The following ELAVL3 variants were observed in gnomAD, a reference collection of about 807,000 sequenced individuals.
ELAVL3 encodes ELAV like RNA binding protein 3, also known as ELAV-like protein 3.
ELAVL3 carries 8 observed loss-of-function variants against 34.2 expected under a neutral mutation model. The observed-to-expected ratio is 0.23, with a 90% CI of 0.14 to 0.42. The LOEUF is 0.42. ELAVL3 is among the 10% of genes least tolerant of loss of function. ELAVL3 has a pLI of 1.00. For synonymous variants in ELAVL3, 209 were observed against 222.1 expected (o/e 0.94, Z 0.53); for missense variants, 273 against 518.8 (o/e 0.53, Z 4.60).
rs1971061890 is a variant in ELAVL3, at chr19:11,466,793, C to A, written c.44G>T (p.Gly15Val). The change falls in exon 2 of 7, where the codon GGG becomes GTG. Residue 15 changes from glycine (G) to valine (V), a missense_variant. By Grantham distance (109) the Gly-to-Val change is moderately radical. Coordinates refer to ENST00000359227, the MANE Select transcript of ELAVL3 (RefSeq NM_001420.4). The surrounding 1 kb of genome is among the most constrained non-coding windows in gnomAD (Gnocchi z 5.0). Reference sequence around the variant, plus strand: ...GGGCAGGGCCGGGCCGGCCGGGCCCCCCCCCACCTGAGACTCCATGGCCCC... The same window carrying A: ...GGGCAGGGCCGGGCCGGCCGGGCCCACCCCCACCTGAGACTCCATGGCCCC... ...ILGAMESQVG[G>V]GPAGPALPNG... 1 of 1,611,974 alleles carries A rather than the reference C, an allele frequency of 6.2e-7. No homozygotes were observed. The highest frequency in any genetic ancestry group is 1.7e-4 in the Middle Eastern group (1 of 6,058).
At chr19:11,465,010 TACATAC>T (rs1323746600) in intron 3 of ELAVL3, among the ~76,000 whole-genome samples, 2 of 52,366 alleles carry the variant, frequency 3.8e-5, no homozygotes, top group Non-Finnish European at 7.0e-5. Flanking sequence ...CACACACACA[TACATAC>T]ACATACACAC....
At chr19:11,474,007 A>T (rs1203287633) in intron 1 of ELAVL3, among the ~76,000 whole-genome samples, 2 of 152,146 alleles carry the variant, frequency 1.3e-5, no homozygotes, top group Non-Finnish European at 2.9e-5. Flanking sequence ...CACATCCATC[A>T]TCCGTACCTC....
intron 3 of ELAVL3, among the ~76,000 whole-genome samples, chr19:11,465,767 C>T (rs1971040614): frequency 1.3e-5 from 2 of 151,924 alleles, no homozygotes; most frequent in African/African-American, 4.8e-5. Context: ...GGGCGTTGCA[C>T]AAAGATGGGG....
At chr19:11,457,401 G>A (rs968886423) in intron 5 of ELAVL3, among the ~76,000 whole-genome samples, 3 of 152,134 alleles carry the variant, frequency 2.0e-5, no homozygotes, top group Non-Finnish European at 4.4e-5. Flanking sequence ...CCTGGCTGGC[G>A]GGTCCCCTCT....
chr19:11,456,459 C>T (rs535226137), intron 6 of ELAVL3, among the ~76,000 whole-genome samples: 1 of 151,796 alleles, frequency 6.6e-6, no homozygotes, highest in Non-Finnish European at 1.5e-5. Context: ...CTGTCTCCTC[C>T]CCCACTAGAC....
At chr19:11,457,332 C>T (rs1970790578) in intron 5 of ELAVL3, among the ~76,000 whole-genome samples, 184 bp from the exon 6 acceptor site, 1 of 152,156 alleles carries the variant, frequency 6.6e-6, no homozygotes, top group African/African-American at 2.4e-5. Context: ...TCAGGCACCG[C>T]CTCTCGCCTG....
rs34925349 is a variant in ELAVL3 at position 11,464,168 on chromosome 19, T to TATATATA, written c.333+2003_333+2004insTATATAT. ...CTCTCTCTCTATATATATATATATA[T>TATATATA]TTTTTTTTTTTTTAGACAGGGTCTT... On this transcript the variant is annotated intron_variant, in intron 3 of 6. Coordinates refer to ENST00000359227, the MANE Select transcript of ELAVL3 (RefSeq NM_001420.4). 6.7e-3 allele frequency among the ~76,000 whole-genome samples: 528 copies of TATATATA among 79,014 alleles called. 6 individuals are homozygous for TATATATA. The highest frequency in any genetic ancestry group is 0.04 in the African/African-American group (484 of 12,216). 51.8% of individuals were successfully genotyped at this position (79,014 alleles called of 152,430 possible). A position where few individuals can be genotyped will look rare whatever the true frequency, so the allele number is the denominator to read the frequency against.
At chr19:11,477,234 T>A (rs2144915707) in intron 1 of ELAVL3, among the ~76,000 whole-genome samples, 1 of 152,318 alleles carries the variant, frequency 6.6e-6, no homozygotes, top group South Asian at 2.1e-4. Flanking sequence ...GTCTCACATG[T>A]ATGGAGCTGG....
At chr19:11,463,505 C>A (rs766176823) in intron 3 of ELAVL3, among the ~76,000 whole-genome samples, 7 of 152,082 alleles carry the variant, frequency 4.6e-5, no homozygotes, top group Non-Finnish European at 1.0e-4. Flanking sequence ...CCCATCACAG[C>A]GCAGCACAAA....
chr19:11,478,466 G>A (rs994526846), intron 1 of ELAVL3, among the ~76,000 whole-genome samples: 5 of 152,132 alleles, frequency 3.3e-5, no homozygotes, highest in Admixed American at 6.6e-5. Flanking sequence ...GTGGCTACAT[G>A]GGCATCAAAG....
chr19:11,454,665 TTGG>T lies in ELAVL3; in HGVS notation c.962_964del (p.Thr321del). On this transcript the variant is annotated inframe_deletion, in exon 7 of 7. Coordinates refer to ENST00000359227, the MANE Select transcript of ELAVL3 (RefSeq NM_001420.4). This position sits in a 1 kb window ranked among gnomAD's most constrained non-coding sequence, Gnocchi z 9.2. ...CACGAAGCCGAAACCCTTGCACTTG[TTGG>T]TGGTGAAATCACGGATGACCTTGAC... The T allele has an allele frequency of 6.2e-7, 1 of 1,614,206 alleles. No individual in the cohort carries two copies. Among genetic ancestry groups the T allele is most frequent in the Non-Finnish European group, 8.5e-7 (1 of 1,180,010 alleles).
chr19:11,468,350 C>T (rs1971097339), intron 1 of ELAVL3, among the ~76,000 whole-genome samples: 1 of 151,424 alleles, frequency 6.6e-6, no homozygotes, highest in South Asian at 2.1e-4. Context: ...TCAGTCTATA[C>T]CTGTTATCTA....
intron 1 of ELAVL3, among the ~76,000 whole-genome samples, chr19:11,474,124 C>T (rs72992976): frequency 0.026 from 3,988 of 152,208 alleles, 105 homozygotes; most frequent in African/African-American, 0.069. Flanking sequence ...TCTAAACCTC[C>T]GGGGCTGAAG....
At chr19:11,476,783 C>T (rs1259199625) in intron 1 of ELAVL3, among the ~76,000 whole-genome samples, 1 of 152,072 alleles carries the variant, frequency 6.6e-6, no homozygotes, top group Non-Finnish European at 1.5e-5. Context: ...CCTGTAATCT[C>T]AACTACTCGA....
chr19:11,467,786 A>C (rs1010573845), intron 1 of ELAVL3, among the ~76,000 whole-genome samples: 1 of 143,438 alleles, frequency 7.0e-6, no homozygotes, highest in African/African-American at 2.6e-5. Context: ...GTCTGGCCCC[A>C]TTTTTAGTAG....
At position 11,454,795 on chromosome 19, in the gene ELAVL3, C is replaced by T. The variant is rs748019175; in HGVS notation, c.835G>A (p.Ala279Thr). ...GLAGVGLSGG[A>T]AGAGWCIFVY... ...AAGATGCACCAGCCGGCGCCCGCCG[C>T]GCCCCCCGACAGGCCCACGCCCGCC... Residue 279 changes from alanine (A) to threonine (T), a missense_variant, in exon 7 of 7, where the codon GCG becomes ACG. Transcript: ENST00000359227. This position sits in a 1 kb window ranked among gnomAD's most constrained non-coding sequence, Gnocchi z 9.2. 5.0e-6 allele frequency: 8 copies of T among 1,612,660 alleles called. No individual in the cohort carries two copies. Among genetic ancestry groups the T allele is most frequent in the East Asian group, 2.2e-5 (1 of 44,856 alleles).
At chr19:11,475,048 G>A (rs62131157) in intron 1 of ELAVL3, among the ~76,000 whole-genome samples, 2 of 152,164 alleles carry the variant, frequency 1.3e-5, no homozygotes, top group Admixed American at 6.5e-5. Context: ...GGATGGTCTC[G>A]ATCTCCTGAT....
At position 11,452,332 on chromosome 19, in the gene ELAVL3, C is replaced by T. The variant is rs183587442; in HGVS notation, c.*2194G>A. The T allele has an allele frequency of 1.8e-4, 27 of 152,248 alleles. No individual in the cohort carries two copies. The East Asian group carries it at 5.2e-3, about 29-fold the overall frequency. The allele number at this position is 152,248 out of a possible 1,614,324, so 9.4% of individuals were successfully genotyped here. ...CATTGTCGTTCCTTTAACTTGCAAA[C>T]CGGATGAAGTAACAGAAATATACAC... On this transcript the variant is annotated 3_prime_UTR_variant, in exon 7 of 7. Coordinates refer to ENST00000359227, the MANE Select transcript of ELAVL3 (RefSeq NM_001420.4).
chr19:11,476,416 T>C (rs1971264209), intron 1 of ELAVL3, among the ~76,000 whole-genome samples: 1 of 151,860 alleles, frequency 6.6e-6, no homozygotes, highest in Non-Finnish European at 1.5e-5. Context: ...TGGTGGTGCA[T>C]GCCTGTAGTC....
Sources: allele counts gnomAD v4.1 joint callset (sites outside exome capture counted in the v4.1 genomes callset), GRCh38; gene constraint gnomAD v4.1.1; non-coding constraint Gnocchi (gnomAD v3.1); transcripts MANE v1.5; gene names NCBI Gene and HGNC (gene_info 2026-07-23, HGNC 2026-07-21).